Variants in CYP2J2 observed in about 807,000 individuals in gnomAD.
The protein encoded by CYP2J2 is cytochrome P450 family 2 subfamily J member 2.
A neutral mutation model predicts 48.8 loss-of-function variants in CYP2J2; 41 were observed. The observed-to-expected ratio is 0.84, with a 90% confidence interval of 0.66 to 1.09. CYP2J2 has a LOEUF of 1.09. Ranked by LOEUF, CYP2J2 falls within the 50% of genes least tolerant of loss-of-function variation. The pLI, the probability that CYP2J2 is intolerant of heterozygous loss-of-function variation, is 0.00. For missense variants in CYP2J2, 644 were observed against 617.3 expected (o/e 1.04, Z -0.46); for synonymous variants, 221 against 227.1 (o/e 0.97, Z 0.24).
chr1:59,941,534 G>GA, the CYP2J2 span, among the ~76,000 whole-genome samples: 2 of 152,094 alleles, frequency 1.3e-5, no homozygotes, highest in East Asian at 1.9e-4. Context: ...TCCACTTATT[G>GA]AAAAAAAGTT....
At chr1:59,906,872 A>T (rs1024217373) in intron 6 of CYP2J2, among the ~76,000 whole-genome samples, 1 of 152,254 alleles carries the variant, frequency 6.6e-6, no homozygotes, top group Non-Finnish European at 1.5e-5. Flanking sequence ...ACCTTAGTAC[A>T]TGGGAAGCAC....
chr1:59,919,582 G>GA lies in CYP2J2; in HGVS notation c.211-3483dup, dbSNP rs60571420. ...TCAAAAAGCTTTTTTATCCAATAAA[G>GA]AAAAAAAAATAAACAAGGAAATGGG... On this transcript the variant is annotated intron_variant, in intron 1 of 8. Coordinates refer to ENST00000371204, the MANE Select transcript of CYP2J2 (RefSeq NM_000775.4). Among the ~76,000 whole-genome samples the GA allele has an allele frequency of 4.5e-3, 679 of 150,502 alleles. 5 individuals carry two copies. Among genetic ancestry groups the GA allele is most frequent in the African/African-American group, 0.015 (606 of 41,078 alleles).
At chr1:59,923,871 A>G (rs1326229868) in intron 1 of CYP2J2, among the ~76,000 whole-genome samples, 3 of 152,224 alleles carry the variant, frequency 2.0e-5, no homozygotes, top group Non-Finnish European at 4.4e-5. Context: ...GAGGAAAAAG[A>G]ATGTGTAGTT....
chr1:59,901,143 T>C, intron 7 of CYP2J2, 40 bp from the exon 8 acceptor site: 1 of 1,601,194 alleles, frequency 6.2e-7, no homozygotes, highest in Admixed American at 1.7e-5. Context: ...GCTTGACCCA[T>C]GAAAAAGCAC....
At chr1:59,895,683 G>T (rs1644262624) in intron 8 of CYP2J2, among the ~76,000 whole-genome samples, 1 of 151,718 alleles carries the variant, frequency 6.6e-6, no homozygotes, top group Non-Finnish European at 1.5e-5. Flanking sequence ...AAGTTTTAGG[G>T]TACATGTGCA....
At chr1:59,926,787 G>A (rs774447745), upstream of CYP2J2, 1 of 1,551,208 alleles carries the variant, frequency 6.4e-7, no homozygotes, top group African/African-American at 1.4e-5. Context: ...CCAAGCAGGC[G>A]GCGGTCCCAG....
At chr1:59,968,143 A>G in the CYP2J2 span, among the ~76,000 whole-genome samples, 11,083 of 152,198 alleles carry the variant, frequency 0.073, 1,034 homozygotes, top group African/African-American at 0.22. Flanking sequence ...ATTTGAAACC[A>G]TTCTATAGCT....
chr1:59,912,775 T>A (rs113270968), intron 2 of CYP2J2: 5 of 159,376 alleles, frequency 3.1e-5, no homozygotes, highest in African/African-American at 1.2e-4. Context: ...AGGAATGCAC[T>A]AATGGTTAAG....
the CYP2J2 span, among the ~76,000 whole-genome samples, chr1:59,935,015 CATAT>C: frequency 0.031 from 1,464 of 47,218 alleles, 50 homozygotes; most frequent in African/African-American, 0.056. Flanking sequence ...TATATATATA[CATAT>C]ATATATATAT....
chr1:59,916,245 G>T, intron 1 of CYP2J2, 145 bp from the exon 2 acceptor site: 1 of 590,382 alleles, frequency 1.7e-6, no homozygotes, highest in Non-Finnish European at 2.9e-6. Context: ...GTGTGTGTGT[G>T]AGTGAGTGTA....
intron 5 of CYP2J2, among the ~76,000 whole-genome samples, chr1:59,909,404 T>G (rs1644391743): frequency 6.6e-6 from 1 of 151,956 alleles, no homozygotes; most frequent in Non-Finnish European, 1.5e-5. Flanking sequence ...TTATTAGAGG[T>G]AAATAAGAGG....
the CYP2J2 span, among the ~76,000 whole-genome samples, chr1:59,946,718 A>G: frequency 6.6e-6 from 1 of 152,214 alleles, no homozygotes; most frequent in Non-Finnish European, 1.5e-5. Flanking sequence ...GTTTTAAAAG[A>G]TGATGAAGAG....
chr1:59,959,142 C>T, the CYP2J2 span, among the ~76,000 whole-genome samples: 3 of 152,274 alleles, frequency 2.0e-5, no homozygotes, highest in Middle Eastern at 3.4e-3. Context: ...TGATTAATTT[C>T]TCCCTGTATG....
At chr1:59,898,210 C>T (rs1326375793) in intron 8 of CYP2J2, among the ~76,000 whole-genome samples, 1 of 152,212 alleles carries the variant, frequency 6.6e-6, no homozygotes, top group Non-Finnish European at 1.5e-5. Flanking sequence ...TAAACTGGGG[C>T]TGGCCTTATG....
the CYP2J2 span, among the ~76,000 whole-genome samples, chr1:59,968,511 A>G: frequency 6.7e-6 from 1 of 150,370 alleles, no homozygotes; most frequent in Non-Finnish European, 1.5e-5. Context: ...ACACAGCCTG[A>G]ACAGGGCAGC....
chr1:59,942,759 G>T, the CYP2J2 span, among the ~76,000 whole-genome samples: 39 of 152,246 alleles, frequency 2.6e-4, no homozygotes, highest in Middle Eastern at 6.8e-3. Context: ...TGGAATTCAA[G>T]AAATGTTTTT....
the CYP2J2 span, among the ~76,000 whole-genome samples, chr1:59,938,410 G>C: frequency 6.6e-6 from 1 of 152,202 alleles, no homozygotes; most frequent in Non-Finnish European, 1.5e-5. Flanking sequence ...AGGTCAGCAA[G>C]AAAACATGTG....
the CYP2J2 span, among the ~76,000 whole-genome samples, chr1:59,962,270 C>T: frequency 2.0e-5 from 3 of 152,068 alleles, no homozygotes; most frequent in Non-Finnish European, 4.4e-5. Context: ...TGGGACAAAC[C>T]TAAAAGTATG....
At chr1:59,909,427 G>A (rs1260731101) in intron 5 of CYP2J2, among the ~76,000 whole-genome samples, 4 of 152,208 alleles carry the variant, frequency 2.6e-5, no homozygotes, top group Non-Finnish European at 5.9e-5. Context: ...CAAAGTCAGA[G>A]AGAAAGTATG....
Sources: allele counts gnomAD v4.1 joint callset (sites outside exome capture counted in the v4.1 genomes callset), GRCh38; gene constraint gnomAD v4.1.1; transcripts MANE v1.5; gene names NCBI Gene and HGNC (gene_info 2026-07-23, HGNC 2026-07-21).